Variants in KIF15 observed in about 807,000 individuals in gnomAD.
KIF15 encodes kinesin-like protein KIF15.
KIF15 carries 140 observed loss-of-function variants against 190.6 expected under a neutral mutation model. That is an observed-to-expected ratio of 0.73 (90% CI 0.64 to 0.84). The LOEUF (loss-of-function observed/expected upper bound fraction) is 0.84, where lower values mean the gene tolerates loss of function less well. Ranked by LOEUF, KIF15 falls within the 40% of genes least tolerant of loss-of-function variation. The pLI is 0.00. For synonymous variants in KIF15, 528 were observed against 551.3 expected, an observed-to-expected ratio of 0.96 and a Z score of 0.59; for missense variants, 1,372 against 1,584.4, an observed-to-expected ratio of 0.87 and a Z score of 2.28.
chr3:44,813,605 AT>A (rs1412214320), intron 19 of KIF15, among the ~76,000 whole-genome samples: 7 of 121,820 alleles, frequency 5.7e-5, no homozygotes, highest in African/African-American at 9.2e-5. Flanking sequence ...TTCTTTGGTC[AT>A]TTTTTTTTTG....
intron 6 of KIF15, chr3:44,864,372 G>A (rs1559602885): frequency 1.2e-6 from 2 of 1,613,290 alleles, no homozygotes; most frequent in Non-Finnish European, 1.7e-6. Flanking sequence ...TGGTGCTCTT[G>A]TCCTAAATCT....
chr3:44,835,434 G>C (rs1253528199), intron 26 of KIF15, among the ~76,000 whole-genome samples: 13 of 151,784 alleles, frequency 8.6e-5, no homozygotes, highest in African/African-American at 2.7e-4. Flanking sequence ...TAGAGATGAG[G>C]TTTCACTATG....
At chr3:44,849,023 G>T (rs574932732) in intron 32 of KIF15, among the ~76,000 whole-genome samples, 5 of 152,246 alleles carry the variant, frequency 3.3e-5, no homozygotes, top group Admixed American at 6.5e-5. Flanking sequence ...CTTATAAATG[G>T]CCTCACTCTT....
chr3:44,862,916 G>A (rs1184385305), intron 6 of KIF15: 4 of 152,028 alleles, frequency 2.6e-5, no homozygotes, highest in Non-Finnish European at 4.4e-5. Flanking sequence ...CATGGGGTAA[G>A]TGGTCGAAAG....
intron 10 of KIF15, 79 bp from the exon 11 acceptor site, chr3:44,800,235 C>A: frequency 1.5e-6 from 2 of 1,365,716 alleles, no homozygotes; most frequent in South Asian, 1.3e-5. Flanking sequence ...CACTACAAAT[C>A]ATACCAAACA....
At position 44,826,038 on chromosome 3, in the gene KIF15, G is replaced by T; in HGVS notation, c.2550-1G>T. ...ATTTTTAAAATGTTTTCCTTATAAA[G>T]GTTAGAAAACGAAAAGCTGCTTGAG... On this transcript the variant is annotated splice_acceptor_variant, in intron 20 of 34. Coordinates refer to ENST00000326047, the MANE Select transcript of KIF15 (RefSeq NM_020242.3). LOFTEE classifies it high-confidence loss of function. The T allele has an allele frequency of 6.3e-7, 1 of 1,578,594 alleles. No homozygotes were observed. Among genetic ancestry groups the T allele is most frequent in the South Asian group, 1.2e-5 (1 of 83,810 alleles).
At chr3:44,820,918 T>C (rs1360954091) in intron 20 of KIF15, among the ~76,000 whole-genome samples, 76 of 150,162 alleles carry the variant, frequency 5.1e-4, no homozygotes, top group Non-Finnish European at 6.4e-4. Flanking sequence ...CACCTCCCAG[T>C]AGGGGCGGCC....
At chr3:44,782,318 T>G (rs553397585) in intron 5 of KIF15, among the ~76,000 whole-genome samples, 2 of 152,180 alleles carry the variant, frequency 1.3e-5, no homozygotes, top group Non-Finnish European at 2.9e-5. Context: ...TGCCTCGGCC[T>G]CCCAAAGTGC....
At chr3:44,829,434 A>G (rs1484125186) in intron 24 of KIF15, among the ~76,000 whole-genome samples, 1 of 139,416 alleles carries the variant, frequency 7.2e-6, no homozygotes, top group Non-Finnish European at 1.5e-5. Context: ...TATAATATAT[A>G]TGTATATATT....
chr3:44,773,474 T>G (rs972331046), intron 1 of KIF15, among the ~76,000 whole-genome samples: 1 of 152,166 alleles, frequency 6.6e-6, no homozygotes, highest in Non-Finnish European at 1.5e-5. Context: ...CCCACTTGCC[T>G]GTCCATCCTA....
intron 20 of KIF15, among the ~76,000 whole-genome samples, chr3:44,821,220 T>C (rs1399056299): frequency 1.7e-5 from 2 of 120,744 alleles, no homozygotes; most frequent in African/African-American, 3.3e-5. Flanking sequence ...GAGGCGCCCC[T>C]CACCTCCCGG....
In KIF15 at chr3:44,801,627, T is replaced by C. The variant is rs1036139437; in HGVS notation, c.1299+101T>C. 5 of 964,386 alleles carry C rather than the reference T, an allele frequency of 5.2e-6. No individual in the cohort carries two copies. The South Asian group carries it at 7.6e-5, about 15-fold the overall frequency. 59.7% of individuals were successfully genotyped at this position (964,386 alleles called of 1,614,324 possible). A position where few individuals can be genotyped will look rare whatever the true frequency, so the allele number is the denominator to read the frequency against. Reference sequence around the variant, plus strand: ...AGTGAAATAAATAATACCAAGTCAATAAAGTAATGGAAGGCTATGAAAAAT... The same window carrying C: ...AGTGAAATAAATAATACCAAGTCAACAAAGTAATGGAAGGCTATGAAAAAT... On this transcript the variant is annotated intron_variant, in intron 12 of 34. Coordinates refer to ENST00000326047, the MANE Select transcript of KIF15 (RefSeq NM_020242.3).
Position 44,830,912 on chromosome 3 carries a change from C to A in KIF15, c.3065C>A (p.Ala1022Asp). ...LKDINCKYNSALVDREESRVL... is the reference protein window; with the variant it reads ...LKDINCKYNSDLVDREESRVL... ...TTTCTACAGTGCAAATACAACTCTG[C>A]TTTGGTTGACAGAGAAGAGAGCAGA... The change falls in exon 26 of 35, where the codon GCT becomes GAT. Residue 1022 changes from alanine (A) to aspartate (D), a missense_variant. By Grantham distance (126) the Ala-to-Asp change is moderately radical (BLOSUM62 -2). Coordinates refer to ENST00000326047, the MANE Select transcript of KIF15 (RefSeq NM_020242.3). 1 of 1,613,724 alleles carries A rather than the reference C, an allele frequency of 6.2e-7. No individual in the cohort carries two copies.
At chr3:44,790,695 C>CAT (rs1706647177) in intron 7 of KIF15, among the ~76,000 whole-genome samples, 3 of 97,972 alleles carry the variant, frequency 3.1e-5, no homozygotes, top group Non-Finnish European at 1.9e-5. Flanking sequence ...TTTTCTGTTT[C>CAT]TTTTTTTTTT....
intron 8 of KIF15, 57 bp downstream of exon 8, chr3:44,794,483 C>G: frequency 7.7e-7 from 1 of 1,290,994 alleles, no homozygotes; most frequent in Non-Finnish European, 1.1e-6. Flanking sequence ...GCAGTCAATA[C>G]AGTCGTGATG....
intron 6 of KIF15, chr3:44,861,955 G>A: frequency 7.1e-7 from 1 of 1,404,306 alleles, no homozygotes. Context: ...TCCGGGCGGC[G>A]CCGTGTCCGC....
At chr3:44,796,552 C>G (rs938184613) in intron 8 of KIF15, among the ~76,000 whole-genome samples, 11 of 152,340 alleles carry the variant, frequency 7.2e-5, no homozygotes, top group Admixed American at 6.5e-5. Context: ...ACAGTACTCT[C>G]AACCATGCCA....
intron 24 of KIF15, 69 bp downstream of exon 24, chr3:44,828,369 C>T (rs1017122601): frequency 9.2e-7 from 1 of 1,091,026 alleles, no homozygotes; most frequent in Non-Finnish European, 1.4e-6. Context: ...ATTTTGTTCT[C>T]CTACCTCTTC....
chr3:44,790,829 A>C (rs1025538449), intron 7 of KIF15, among the ~76,000 whole-genome samples: 1 of 151,072 alleles, frequency 6.6e-6, no homozygotes, highest in Non-Finnish European at 1.5e-5. Context: ...AGTAGCTGGG[A>C]CTACAGGCAT....
Sources: gnomAD v4.1 joint callset for allele counts (sites outside exome capture counted in the v4.1 genomes callset) on GRCh38, gnomAD v4.1.1 for gene constraint, MANE v1.5 for transcripts, NCBI Gene and HGNC (gene_info 2026-07-23, HGNC 2026-07-21) for gene names.